Variants in SENP5 observed in about 807,000 individuals in gnomAD.
SENP5 encodes SUMO specific peptidase 5, also known as sentrin-specific protease 5.
In SENP5, 21 loss-of-function variants were observed where a neutral mutation model predicts 74.2. The ratio of observed to expected loss-of-function variants is 0.28; its 90% CI spans 0.20 to 0.41. The LOEUF (loss-of-function observed/expected upper bound fraction) is 0.41. SENP5 is among the 10% of genes least tolerant of loss of function. SENP5 has a pLI of 1.00. For synonymous variants in SENP5, 311 were observed against 312.7 expected, an observed-to-expected ratio of 0.99 and a Z score of 0.06; for missense variants, 717 against 889.1, an observed-to-expected ratio of 0.81 and a Z score of 2.46.
intron 2 of SENP5, among the ~76,000 whole-genome samples, chr3:196,895,548 G>T (rs1415876146): frequency 4.0e-5 from 6 of 151,840 alleles, no homozygotes; most frequent in South Asian, 2.1e-4. Context: ...TTGAGGCAGG[G>T]TCTCGTTCTG....
intron 6 of SENP5, among the ~76,000 whole-genome samples, chr3:196,907,464 A>T (rs1714950361): frequency 6.6e-6 from 1 of 151,862 alleles, no homozygotes. Flanking sequence ...AAAAAAAAAA[A>T]AAAAAGATAA....
At chr3:196,879,575 G>C (rs1258873861) in intron 1 of SENP5, among the ~76,000 whole-genome samples, 1 of 152,098 alleles carries the variant, frequency 6.6e-6, no homozygotes, top group East Asian at 1.9e-4. Context: ...TTGTCATTCT[G>C]CATCTATTTT....
intron 2 of SENP5, among the ~76,000 whole-genome samples, chr3:196,888,650 A>G (rs538924725): frequency 2.0e-5 from 3 of 152,178 alleles, no homozygotes; most frequent in African/African-American, 7.2e-5. Context: ...ATTTTGTTAA[A>G]AGATATATAT....
rs1423535643 is a variant in SENP5, at chr3:196,885,253, G to A, written c.72G>A (p.Gly24=). 4 of 1,614,092 alleles carry A rather than the reference G, an allele frequency of 2.5e-6. No homozygotes were observed. Among genetic ancestry groups the A allele is most frequent in the Non-Finnish European group, 1.7e-6 (2 of 1,180,002 alleles). The change falls in exon 2 of 10, where the codon GGG becomes GGA. Residue 24 remains glycine, a synonymous_variant. Transcript: ENST00000323460. ...HLAFSEKWNT[G]FGGFKKFYFH... is the part of the protein sequence containing the mutation. Reference sequence around the variant, plus strand: ...CCTTTTCTGAGAAATGGAATACTGGGTTTGGAGGCTTTAAGAAGTTTTATT... The same window carrying A: ...CCTTTTCTGAGAAATGGAATACTGGATTTGGAGGCTTTAAGAAGTTTTATT...
chr3:196,907,584 A>G (rs1714956003), intron 6 of SENP5, among the ~76,000 whole-genome samples: 1 of 152,162 alleles, frequency 6.6e-6, no homozygotes, highest in Admixed American at 6.5e-5. Flanking sequence ...GTGAAAGAAT[A>G]AAGTCAAATA....
chr3:196,913,980 A>G (rs1011451724), intron 6 of SENP5: 8 of 152,218 alleles, frequency 5.3e-5, no homozygotes, highest in African/African-American at 1.9e-4. Context: ...AAAAAGTTGC[A>G]TAACTTCACA....
intron 6 of SENP5, among the ~76,000 whole-genome samples, chr3:196,919,872 T>G (rs1447669049): frequency 6.6e-6 from 1 of 152,164 alleles, no homozygotes; most frequent in Non-Finnish European, 1.5e-5. Context: ...TTTGGCACCA[T>G]TATAGAAAGT....
At chr3:196,914,122 A>G (rs1227829605) in intron 6 of SENP5, 2 of 152,186 alleles carry the variant, frequency 1.3e-5, no homozygotes, top group Non-Finnish European at 2.9e-5. Flanking sequence ...AGACTAATAT[A>G]TTCAGGGGTC....
chr3:196,872,089 C>T (rs186487797), intron 1 of SENP5, among the ~76,000 whole-genome samples: 21 of 152,228 alleles, frequency 1.4e-4, no homozygotes, highest in Admixed American at 8.5e-4. Flanking sequence ...TTAACCTGTA[C>T]GGTGGCTGCG....
At chr3:196,900,504 A>G in intron 5 of SENP5, 92 bp downstream of exon 5, 4 of 1,052,852 alleles carry the variant, frequency 3.8e-6, no homozygotes, top group Non-Finnish European at 5.5e-6. Context: ...TAATTATCTG[A>G]CATTCCTTAA....
chr3:196,914,589 AT>A lies in SENP5; in HGVS notation c.1885-8824del, dbSNP rs1560156953. 257 of 105,766 alleles carry A rather than the reference AT, an allele frequency of 2.4e-3. 1 individual carries two copies. The highest frequency in any genetic ancestry group is 5.1e-3 in the Middle Eastern group (1 of 196). The allele number at this position is 105,766 out of a possible 1,614,324, so 6.6% of individuals were successfully genotyped here. A position where few individuals can be genotyped will look rare whatever the true frequency, so the allele number is the denominator to read the frequency against. On this transcript the variant is annotated intron_variant, in intron 6 of 9. Transcript: ENST00000323460. Reference sequence around the variant, plus strand: ...TAAAAAAAAAAAAAAAAAAAAAAATATATATATATATATATATATATATGTC... The same window carrying A: ...TAAAAAAAAAAAAAAAAAAAAAAATAATATATATATATATATATATATGTC...
intron 2 of SENP5, among the ~76,000 whole-genome samples, chr3:196,896,272 T>C (rs548707348): frequency 1.3e-5 from 2 of 152,316 alleles, no homozygotes; most frequent in African/African-American, 4.8e-5. Context: ...CCAAGTTGTT[T>C]TTGTAGAGAA....
At chr3:196,906,232 A>AAGACATC (rs1184187083) in intron 6 of SENP5, among the ~76,000 whole-genome samples, 1 of 152,158 alleles carries the variant, frequency 6.6e-6, no homozygotes, top group East Asian at 1.9e-4. Context: ...AAAAGAAAAA[A>AAGACATC]AGACATCAGA....
At chr3:196,898,897 AT>A (rs1714575382) in intron 2 of SENP5, among the ~76,000 whole-genome samples, 1 of 151,992 alleles carries the variant, frequency 6.6e-6, no homozygotes, top group African/African-American at 2.4e-5. Flanking sequence ...TTTGATGATG[AT>A]TCCATTCGTC....
At chr3:196,929,481 A>G in intron 8 of SENP5, 152 bp from the exon 9 acceptor site, 1 of 554,420 alleles carries the variant, frequency 1.8e-6, no homozygotes, top group African/African-American at 2.0e-5. Flanking sequence ...AGGTGCCTCC[A>G]TAAAATTAGA....
intron 6 of SENP5, among the ~76,000 whole-genome samples, chr3:196,918,267 A>G (rs1045158958): frequency 1.3e-5 from 2 of 151,116 alleles, no homozygotes; most frequent in Non-Finnish European, 2.9e-5. Context: ...TGATTGTGCC[A>G]CTGCACTCCA....
intron 1 of SENP5, among the ~76,000 whole-genome samples, chr3:196,875,797 A>G (rs1396388463): frequency 1.3e-5 from 2 of 152,006 alleles, no homozygotes; most frequent in Non-Finnish European, 2.9e-5. Flanking sequence ...TGGTGTGATC[A>G]TAGCTCAGTG....
At chr3:196,870,197 T>A (rs990931803) in intron 1 of SENP5, among the ~76,000 whole-genome samples, 9 of 152,222 alleles carry the variant, frequency 5.9e-5, no homozygotes, top group African/African-American at 1.9e-4. Flanking sequence ...AAGAATTTGG[T>A]AGACGCTCAG....
At chr3:196,914,504 A>G (rs1715269178) in intron 6 of SENP5, 1 of 143,910 alleles carries the variant, frequency 6.9e-6, no homozygotes, top group South Asian at 2.3e-4. Context: ...GTAGGTGCTT[A>G]TAGTTCCAGC....
Sources: allele counts gnomAD v4.1 joint callset (sites outside exome capture counted in the v4.1 genomes callset), GRCh38; gene constraint gnomAD v4.1.1; transcripts MANE v1.5; gene names NCBI Gene and HGNC (gene_info 2026-07-23, HGNC 2026-07-21).